PIBF1: variants seen among roughly 807,000 people sequenced by gnomAD.
PIBF1 encodes progesterone immunomodulatory binding factor 1, also known as progesterone-induced-blocking factor 1.
A neutral mutation model predicts 112.5 loss-of-function variants in PIBF1; 90 were observed. The ratio of observed to expected loss-of-function variants is 0.80; its 90% CI spans 0.67 to 0.95. PIBF1 has a LOEUF of 0.95. Among genes scored for constraint, PIBF1 ranks in the 40% least tolerant of loss-of-function variants. The pLI is 0.00. For missense variants in PIBF1, 915 were observed against 852.3 expected (o/e 1.07, Z -0.92); for synonymous variants, 301 against 288.6 (o/e 1.04, Z -0.44).
chr13:72,951,207 G>A (rs938297320), intron 14 of PIBF1, among the ~76,000 whole-genome samples: 2 of 152,158 alleles, frequency 1.3e-5, no homozygotes, highest in African/African-American at 4.8e-5. Flanking sequence ...CGGGTCGTAG[G>A]GGAGAGGGAT....
chr13:72,792,394 GAAAGTTTTT>G, intron 2 of PIBF1, 44 bp from the exon 3 acceptor site: 1 of 1,110,082 alleles, frequency 9.0e-7, no homozygotes, highest in Non-Finnish European at 1.3e-6. Context: ...TTATGAAACT[GAAAGTTTTT>G]CTTTATGACA....
intron 5 of PIBF1, among the ~76,000 whole-genome samples, chr13:72,819,134 A>G (rs1201749320): frequency 1.3e-5 from 2 of 152,136 alleles, no homozygotes; most frequent in Non-Finnish European, 2.9e-5. Flanking sequence ...TGGGAAAATC[A>G]TATGCCTCTA....
At chr13:72,995,271 A>T (rs1272486531) in intron 16 of PIBF1, among the ~76,000 whole-genome samples, 2 of 151,728 alleles carry the variant, frequency 1.3e-5, no homozygotes, top group African/African-American at 4.8e-5. Context: ...ACTGCACTCC[A>T]ACCTGGGCGA....
At chr13:72,784,643 C>G (rs1249448649) in intron 2 of PIBF1, among the ~76,000 whole-genome samples, 1 of 150,698 alleles carries the variant, frequency 6.6e-6, no homozygotes, top group Non-Finnish European at 1.5e-5. Context: ...CCTGCAGGCC[C>G]AGCTACTTCC....
At chr13:72,837,162 A>G (rs2037399143) in intron 9 of PIBF1, among the ~76,000 whole-genome samples, 1 of 152,112 alleles carries the variant, frequency 6.6e-6, no homozygotes, top group Admixed American at 6.5e-5. Context: ...GCACCAGCAA[A>G]TACGTGTGCA....
intron 14 of PIBF1, among the ~76,000 whole-genome samples, chr13:72,963,413 G>GTGA (rs1455023411): frequency 2.0e-5 from 3 of 152,102 alleles, no homozygotes; most frequent in Non-Finnish European, 4.4e-5. Flanking sequence ...GGCCAACATG[G>GTGA]TGAAACCCCG....
At chr13:72,803,140 G>T (rs1370460365) in intron 5 of PIBF1, among the ~76,000 whole-genome samples, 1 of 152,096 alleles carries the variant, frequency 6.6e-6, no homozygotes, top group Non-Finnish European at 1.5e-5. Context: ...ACTGGACATA[G>T]AGTATAGACA....
chr13:72,810,020 T>C (rs1380807082), intron 5 of PIBF1, among the ~76,000 whole-genome samples: 1 of 152,224 alleles, frequency 6.6e-6, no homozygotes, highest in Non-Finnish European at 1.5e-5. Flanking sequence ...GATACTATTA[T>C]AACACTGGAA....
chr13:72,981,833 T>G (rs2043165165), intron 16 of PIBF1, among the ~76,000 whole-genome samples: 1 of 152,202 alleles, frequency 6.6e-6, no homozygotes, highest in South Asian at 2.1e-4. Flanking sequence ...AACTCTCTCA[T>G]TAAATTGTAA....
At chr13:72,790,342 A>G (rs2034831395) in intron 2 of PIBF1, among the ~76,000 whole-genome samples, 1 of 151,916 alleles carries the variant, frequency 6.6e-6, no homozygotes, top group Non-Finnish European at 1.5e-5. Flanking sequence ...GAGGTAAAAT[A>G]TATTAATAAG....
intron 12 of PIBF1, among the ~76,000 whole-genome samples, chr13:72,913,945 G>A (rs2040991471): frequency 6.6e-6 from 1 of 152,068 alleles, no homozygotes; most frequent in African/African-American, 2.4e-5. Flanking sequence ...CAGTAACTAG[G>A]TTCTCTATCA....
chr13:72,995,970 A>G (rs2043644070), intron 16 of PIBF1, among the ~76,000 whole-genome samples: 1 of 150,466 alleles, frequency 6.6e-6, no homozygotes, highest in African/African-American at 2.4e-5. Flanking sequence ...GAAAAGAAAA[A>G]CCACAAAAGT....
chr13:72,959,614 A>G (rs2042551322), intron 14 of PIBF1, among the ~76,000 whole-genome samples: 1 of 152,244 alleles, frequency 6.6e-6, no homozygotes, highest in South Asian at 2.1e-4. Context: ...CTCCACATGT[A>G]GGAAAAACAT....
In PIBF1 at chr13:72,820,940, A is replaced by G. The variant is rs528390307; in HGVS notation, c.673-909A>G. ...TCTTATTATATACCTGGCAGTGTTTAAAGTGGTGGAGGTCCAGCGTTGAGC... is the reference window on the plus strand; with the variant it reads ...TCTTATTATATACCTGGCAGTGTTTGAAGTGGTGGAGGTCCAGCGTTGAGC... On this transcript the variant is annotated intron_variant, in intron 5 of 17. Coordinates refer to ENST00000326291, the MANE Select transcript of PIBF1 (RefSeq NM_006346.4). Among the ~76,000 whole-genome samples the G allele has an allele frequency of 1.8e-4, 28 of 152,312 alleles. No individual in the cohort carries two copies. The East Asian group carries it at 5.4e-3, about 29-fold the overall frequency.
intron 16 of PIBF1, among the ~76,000 whole-genome samples, chr13:72,988,790 AC>A (rs1409279587): frequency 6.6e-6 from 1 of 152,212 alleles, no homozygotes; most frequent in Non-Finnish European, 1.5e-5. Context: ...TAATCCCAGC[AC>A]TTTGGGAGGC....
At chr13:73,004,591 T>C (rs187544181) in intron 17 of PIBF1, among the ~76,000 whole-genome samples, 1 of 152,372 alleles carries the variant, frequency 6.6e-6, no homozygotes, top group East Asian at 1.9e-4. Flanking sequence ...CTAATATGTA[T>C]TTTCTATATC....
At chr13:72,963,374 A>T (rs981186424) in intron 14 of PIBF1, among the ~76,000 whole-genome samples, 2 of 152,200 alleles carry the variant, frequency 1.3e-5, no homozygotes, top group Non-Finnish European at 2.9e-5. Context: ...CAGGCAGATC[A>T]CTTGAAGTCA....
chr13:72,965,169 T>C (rs945322465), intron 14 of PIBF1, 105 bp from the exon 15 acceptor site: 2 of 1,009,528 alleles, frequency 2.0e-6, no homozygotes, highest in Non-Finnish European at 3.0e-6. Flanking sequence ...TTCAGAATAA[T>C]TCATGTCAAA....
At chr13:72,984,177 A>C (rs1473745340) in intron 16 of PIBF1, among the ~76,000 whole-genome samples, 2 of 152,186 alleles carry the variant, frequency 1.3e-5, no homozygotes, top group African/African-American at 4.8e-5. Flanking sequence ...TTGAATTTAC[A>C]CACATACTTT....
Sources: gnomAD v4.1 joint callset for allele counts (sites outside exome capture counted in the v4.1 genomes callset) on GRCh38, gnomAD v4.1.1 for gene constraint, MANE v1.5 for transcripts, NCBI Gene and HGNC (gene_info 2026-07-23, HGNC 2026-07-21) for gene names.